Variants in SERPINC1 observed in about 807,000 individuals in gnomAD.
The protein encoded by SERPINC1 is serpin family C member 1.
In SERPINC1, 12 loss-of-function variants were observed where a neutral mutation model predicts 43.4. The ratio of observed to expected loss-of-function variants is 0.28; its 90% confidence interval spans 0.18 to 0.45. SERPINC1 has a LOEUF of 0.45. SERPINC1 is among the 20% of genes least tolerant of loss of function. SERPINC1 has a pLI of 1.00. For synonymous variants in SERPINC1, 210 were observed against 218.9 expected (o/e 0.96, Z 0.36); for missense variants, 423 against 578.8 (o/e 0.73, Z 2.76).
chr1:173,917,235 C>T lies in SERPINC1; in HGVS notation c.25G>A (p.Val9Ile), dbSNP rs779790099. ...CCCTCTTACCTTTTTCCAGAGGTTA[C>T]AGTTCCTATCACATTGGAATACATG... Reference protein sequence around the residue: MYSNVIGTVTSGKRKVYLL... With the variant: MYSNVIGTITSGKRKVYLL... Residue 9 changes from valine (V) to isoleucine (I), a missense_variant, in exon 1 of 7, where the codon GTA becomes ATA. Coordinates refer to ENST00000367698, the MANE Select transcript of SERPINC1 (RefSeq NM_000488.4). The T allele has an allele frequency of 3.1e-6, 5 of 1,614,100 alleles. No individual in the cohort carries two copies. The Admixed American group carries it at 8.3e-5, about 27-fold the overall frequency.
In SERPINC1 at chr1:173,911,894, G is replaced by T. The variant is rs143521873; in HGVS notation, c.529C>A (p.Arg177Ser). ...NKSSKLVSANRLFGDKSLTFN... is the reference protein window; with the variant it reads ...NKSSKLVSANSLFGDKSLTFN... ...GTAAGGGATTTGTCTCCAAAAAGGCGATTGGCTGATACTAACTTGGAGGAT... is the reference window on the plus strand; with the variant it reads ...GTAAGGGATTTGTCTCCAAAAAGGCTATTGGCTGATACTAACTTGGAGGAT... Residue 177 changes from arginine to serine, a missense_variant, in exon 3 of 7, where the codon CGC (arginine) becomes AGC (serine). Physicochemically the swap from Arg to Ser is moderately radical, Grantham distance 110 (BLOSUM62 -1). Transcript: ENST00000367698. 1 of 1,614,060 alleles carries T rather than the reference G, an allele frequency of 6.2e-7. No individual in the cohort carries two copies. Among genetic ancestry groups the T allele is most frequent in the Non-Finnish European group, 8.5e-7 (1 of 1,180,022 alleles).
At position 173,909,906 on chromosome 1, in the gene SERPINC1, T is replaced by C; in HGVS notation, c.799A>G (p.Arg267Gly). 2 of 1,614,196 alleles carry C rather than the reference T, an allele frequency of 1.2e-6. No individual in the cohort carries two copies. The highest frequency in any genetic ancestry group is 1.7e-6 in the Non-Finnish European group (2 of 1,180,048). ...TCAGCCTTGTAGAACAGTTCCTTCCTTGTGTTCTCAGGGCTGAACTTTGAC... is the reference window on the plus strand; with the variant it reads ...TCAGCCTTGTAGAACAGTTCCTTCCCTGTGTTCTCAGGGCTGAACTTTGAC... Reference protein sequence around the residue: ...WKSKFSPENTRKELFYKADGE... With the variant: ...WKSKFSPENTGKELFYKADGE... The change falls in exon 5 of 7, where the codon AGG becomes GGG. Residue 267 changes from arginine (R) to glycine (G), a missense_variant. Physicochemically the swap from Arg to Gly is moderately radical, Grantham distance 125. Transcript: ENST00000367698.
At chr1:173,912,570 T>C (rs1040705314) in intron 2 of SERPINC1, among the ~76,000 whole-genome samples, 1 of 152,120 alleles carries the variant, frequency 6.6e-6, no homozygotes, top group African/African-American at 2.4e-5. Context: ...CAAGGCAAAA[T>C]GGGTGAGGCT....
chr1:173,915,020 G>A, intron 1 of SERPINC1, 101 bp from the exon 2 acceptor site: 2 of 1,543,490 alleles, frequency 1.3e-6, no homozygotes, highest in Non-Finnish European at 1.7e-6. Flanking sequence ...CAGCCCACCT[G>A]GTGTGGCCAA....
Position 173,909,881 on chromosome 1 carries a change from T to C in SERPINC1, c.824A>G (p.Asp275Gly), listed in dbSNP as rs1657695186. The change falls in exon 5 of 7, where the codon GAT becomes GGT. Residue 275 changes from aspartate (D) to glycine (G), a missense_variant. Asp to Gly is a moderately conservative substitution (Grantham distance 94, BLOSUM62 -1). Transcript: ENST00000367698. ...NTRKELFYKA[D>G]GESCSASMMY... is the part of the protein sequence containing the mutation. ...CATAGATGCTGAACACGACTCTCCA[T>C]CAGCCTTGTAGAACAGTTCCTTCCT... 6.2e-7 allele frequency: 1 copy of C among 1,614,072 alleles called. No homozygotes were observed. Among genetic ancestry groups the C allele is most frequent in the South Asian group, 1.1e-5 (1 of 91,094 alleles).
chr1:173,910,638 G>T, intron 4 of SERPINC1, 116 bp downstream of exon 4: 1 of 876,338 alleles, frequency 1.1e-6, no homozygotes, highest in Non-Finnish European at 1.9e-6. Context: ...TACCTGTGTA[G>T]CTTTCGGCAG....
chr1:173,907,534 A>T lies in SERPINC1; in HGVS notation c.1154-20T>A. 6.2e-7 allele frequency: 1 copy of T among 1,605,900 alleles called. No individual in the cohort carries two copies. ...CAATACCTGGAAGGAAGACCGGAGA[A>T]GTCTTTGTGAGATGGGAGAAAGTTG... On this transcript the variant is annotated intron_variant, in intron 5 of 6. Coordinates refer to ENST00000367698, the MANE Select transcript of SERPINC1 (RefSeq NM_000488.4).
intron 1 of SERPINC1, among the ~76,000 whole-genome samples, chr1:173,915,777 G>T (rs143319899): frequency 6.6e-6 from 1 of 152,184 alleles, no homozygotes; most frequent in Non-Finnish European, 1.5e-5. Flanking sequence ...CTTCCACTGA[G>T]CTCCAGACTG....
chr1:173,910,075 A>G (rs551616150), intron 4 of SERPINC1, 133 bp from the exon 5 acceptor site: 8 of 899,098 alleles, frequency 8.9e-6, no homozygotes, highest in Non-Finnish European at 1.4e-5. Context: ...ATGCACAAAA[A>G]GGTTAACAAT....
rs753713846 is a variant in SERPINC1 at position 173,917,243 on chromosome 1, A to T, written c.17T>A (p.Ile6Lys). The change falls in exon 1 of 7, where the codon ATA (isoleucine) becomes AAA (lysine). Residue 6 changes from isoleucine to lysine, a missense_variant. Ile to Lys is a moderately radical substitution (Grantham distance 102). Coordinates refer to ENST00000367698, the MANE Select transcript of SERPINC1 (RefSeq NM_000488.4). The stretch of plus-strand genomic sequence containing the variant: ...CCTTTTTCCAGAGGTTACAGTTCCT[A>T]TCACATTGGAATACATGGCCGCTAA... MYSNV[I>K]GTVTSGKRKV... The T allele has an allele frequency of 6.2e-7, 1 of 1,614,104 alleles. No homozygotes were observed. Among genetic ancestry groups the T allele is most frequent in the Admixed American group, 1.7e-5 (1 of 60,022 alleles).
rs755838660 is a variant in SERPINC1 at position 173,903,871 on chromosome 1, G to T, written c.*18C>A. ...TCACAAACCAAAAATAGGAAGAGGT[G>T]CAAAGAATAAGAACATTTTACTTAA... On this transcript the variant is annotated 3_prime_UTR_variant, in exon 7 of 7. Transcript: ENST00000367698. The T allele has an allele frequency of 6.2e-7, 1 of 1,611,390 alleles. No individual in the cohort carries two copies. The highest frequency in any genetic ancestry group is 8.5e-7 in the Non-Finnish European group (1 of 1,177,628).
chr1:173,912,069 G>T, intron 2 of SERPINC1, 55 bp from the exon 3 acceptor site: 1 of 1,281,560 alleles, frequency 7.8e-7, no homozygotes, highest in Non-Finnish European at 1.1e-6. Context: ...TAGTTAACAT[G>T]GGTGGTGAGC....
At chr1:173,905,876 A>G (rs1406941137) in intron 6 of SERPINC1, among the ~76,000 whole-genome samples, 1 of 152,172 alleles carries the variant, frequency 6.6e-6, no homozygotes, top group Non-Finnish European at 1.5e-5. Context: ...TACCTTTGAA[A>G]TTATATTAAT....
intron 3 of SERPINC1, 101 bp downstream of exon 3, chr1:173,911,698 C>T: frequency 1.0e-6 from 1 of 960,932 alleles, no homozygotes. Context: ...CAGCAGTCTT[C>T]AGCAGCAAAG....
At chr1:173,908,849 C>T (rs565276459) in intron 5 of SERPINC1, among the ~76,000 whole-genome samples, 1 of 152,270 alleles carries the variant, frequency 6.6e-6, no homozygotes, top group South Asian at 2.1e-4. Flanking sequence ...CGTGAGCCAC[C>T]CTGGCCAGCC....
Position 173,903,936 on chromosome 1 carries a change from T to C in SERPINC1, c.1348A>G (p.Asn450Asp), listed in dbSNP as rs747412993. The part of the protein sequence containing the change: ...FLVFIREVPL[N>D]TIIFMGRVAN... ...ACTCTGCCCATGAAGATAATAGTGT[T>C]CAGAGGAACTTCTCTTATAAAAACC... is the stretch of plus-strand genomic sequence containing the variant. Residue 450 changes from asparagine (N) to aspartate (D), a missense_variant, in exon 7 of 7, where the codon AAC becomes GAC. Physicochemically the swap from Asn to Asp is conservative, Grantham distance 23. Transcript: ENST00000367698. The C allele has an allele frequency of 1.9e-6, 3 of 1,614,218 alleles. No individual in the cohort carries two copies. The highest frequency in any genetic ancestry group is 2.5e-6 in the Non-Finnish European group (3 of 1,180,016).
Position 173,909,560 on chromosome 1 carries a change from T to C in SERPINC1, c.1145A>G (p.Lys382Arg). 6.2e-7 allele frequency: 1 copy of C among 1,613,866 alleles called. No homozygotes were observed. Among genetic ancestry groups the C allele is most frequent in the Non-Finnish European group, 8.5e-7 (1 of 1,180,048 alleles). ...LVDLFSPEKS[K>R]LPGIVAEGRD... Reference sequence around the variant, plus strand: ...CTCCTTCCTAGACAAACCTGGGAGTTTGGACTTTTCAGGGCTGAACAGATC... The same window carrying C: ...CTCCTTCCTAGACAAACCTGGGAGTCTGGACTTTTCAGGGCTGAACAGATC... The change falls in exon 5 of 7, where the codon AAA (lysine) becomes AGA (arginine). Residue 382 changes from lysine to arginine, a missense_variant. Physicochemically the swap from Lys to Arg is conservative, Grantham distance 26. Coordinates refer to ENST00000367698, the MANE Select transcript of SERPINC1 (RefSeq NM_000488.4).
rs993457876 is a variant in SERPINC1, at chr1:173,910,755, T to C, written c.761A>G (p.Lys254Arg). Residue 254 changes from lysine (K) to arginine (R), a missense_variant and splice_region_variant, in exon 4 of 7, where the codon AAG becomes AGG. Transcript: ENST00000367698. The stretch of plus-strand genomic sequence containing the variant: ...TCTCTCCAGGGCCATTCTGAGTACC[T>C]TGAAGTAAATGGTGTTAACCAGCAC... ...VLVLVNTIYF[K>R]GLWKSKFSPE... The C allele has an allele frequency of 3.1e-6, 5 of 1,613,884 alleles. No individual in the cohort carries two copies. In the African/African-American group the frequency reaches 4.0e-5, roughly 13 times the overall value.
In SERPINC1 at chr1:173,912,025, C is replaced by CAA. The variant is rs201656611; in HGVS notation, c.409-13_409-12dup. 1.9e-6 allele frequency: 3 copies of CAA among 1,565,084 alleles called. No homozygotes were observed. In the African/African-American group the frequency reaches 4.1e-5, roughly 21 times the overall value. Reference sequence around the variant, plus strand: ...GTCAAACTTAAATACCTATAGAAGTCAAAAAAAAATGGTGGTGGGTTTGGT... The same window carrying CAA: ...GTCAAACTTAAATACCTATAGAAGTCAAAAAAAAAAATGGTGGTGGGTTTGGT... On this transcript the variant is annotated splice_polypyrimidine_tract_variant and intron_variant, in intron 2 of 6. Coordinates refer to ENST00000367698, the MANE Select transcript of SERPINC1 (RefSeq NM_000488.4).
Sources: allele counts gnomAD v4.1 joint callset (sites outside exome capture counted in the v4.1 genomes callset), GRCh38; gene constraint gnomAD v4.1.1; transcripts MANE v1.5; gene names NCBI Gene and HGNC (gene_info 2026-07-23, HGNC 2026-07-21).